Variants in RYR2 observed in about 807,000 individuals in gnomAD.
The protein encoded by RYR2 is cardiac muscle ryanodine receptor-calcium release channel.
Under a neutral mutation model 601.1 loss-of-function variants are expected in RYR2, and 227 were observed. That is an observed-to-expected ratio of 0.38 (90% CI 0.34 to 0.42). The LOEUF (loss-of-function observed/expected upper bound fraction) is 0.42, where lower values mean the gene tolerates loss of function less well. Among genes scored for constraint, RYR2 ranks in the 10% least tolerant of loss-of-function variants. The pLI is 1.00. For synonymous variants in RYR2, 2,223 were observed against 2,175.1 expected (o/e 1.02, Z -0.61); for missense variants, 4,646 against 6,156.5 (o/e 0.75, Z 8.21).
At chr1:237,232,514 G>A (rs1685105976) in intron 1 of RYR2, among the ~76,000 whole-genome samples, 1 of 152,050 alleles carries the variant, frequency 6.6e-6, no homozygotes, top group East Asian at 1.9e-4. Flanking sequence ...TGTATCCTTT[G>A]CAATATCTTT....
At chr1:237,357,301 G>A (rs1311350687) in intron 4 of RYR2, among the ~76,000 whole-genome samples, 3 of 152,060 alleles carry the variant, frequency 2.0e-5, no homozygotes, top group Admixed American at 2.0e-4. Flanking sequence ...CTTGGTAAGG[G>A]AAGCCTGCTT....
chr1:237,136,851 A>G (rs1029125704), intron 1 of RYR2, among the ~76,000 whole-genome samples: 4 of 151,896 alleles, frequency 2.6e-5, no homozygotes, highest in African/African-American at 7.3e-5. Context: ...CCCCATCTCT[A>G]CTAAAAATAC....
At chr1:237,128,501 G>A (rs1671791285) in intron 1 of RYR2, among the ~76,000 whole-genome samples, 1 of 152,224 alleles carries the variant, frequency 6.6e-6, no homozygotes, top group South Asian at 2.1e-4. Context: ...AGCTAGAGTA[G>A]GGTGAATAAG....
At chr1:237,057,041 G>A (rs1191954993) in intron 1 of RYR2, among the ~76,000 whole-genome samples, 2 of 152,176 alleles carry the variant, frequency 1.3e-5, no homozygotes, top group Admixed American at 6.5e-5. Flanking sequence ...CTAGAAGTGT[G>A]GATTTAGTGT....
intron 1 of RYR2, among the ~76,000 whole-genome samples, chr1:237,136,190 G>A (rs1442155164): frequency 6.6e-6 from 1 of 152,220 alleles, no homozygotes; most frequent in East Asian, 1.9e-4. Context: ...CAGTGATAAA[G>A]CGGAAACATT....
chr1:237,565,157 C>CTCTTTCTTTCTTTCTTTCTT (rs771045857), intron 27 of RYR2, among the ~76,000 whole-genome samples: 4 of 52,868 alleles, frequency 7.6e-5, no homozygotes, highest in Non-Finnish European at 1.5e-4. Flanking sequence ...TTCTTTCTTT[C>CTCTTTCTTTCTTTCTTTCTT]TCTTTCTTTC....
At position 237,631,676 on chromosome 1, in the gene RYR2, T is replaced by G; in HGVS notation, c.6555+135T>G. 3 of 436,638 alleles carry G rather than the reference T, an allele frequency of 6.9e-6. 1 individual carries two copies. In the South Asian group the frequency reaches 9.5e-5, roughly 14 times the overall value. 27.0% of individuals were successfully genotyped at this position (436,638 alleles called of 1,614,324 possible). The stretch of plus-strand genomic sequence containing the variant: ...CAGAGGCTCACTCTGTCGCCCAGGC[T>G]GGAGTGCAGTGCACGATCTCGGCTC... On this transcript the variant is annotated intron_variant, in intron 42 of 104. Transcript: ENST00000366574.
At chr1:237,198,138 T>G (rs548207281) in intron 1 of RYR2, among the ~76,000 whole-genome samples, 1 of 152,328 alleles carries the variant, frequency 6.6e-6, no homozygotes, top group African/African-American at 2.4e-5. Context: ...CCATGCACTT[T>G]GGAGTTTTTG....
chr1:237,473,095 G>T (rs559721750), intron 17 of RYR2, among the ~76,000 whole-genome samples: 6 of 151,972 alleles, frequency 3.9e-5, no homozygotes, highest in Non-Finnish European at 5.9e-5. Flanking sequence ...GGCTGTTAGG[G>T]GGATTAAATG....
intron 36 of RYR2, among the ~76,000 whole-genome samples, chr1:237,611,565 T>C (rs1677874596): frequency 6.6e-6 from 1 of 152,162 alleles, no homozygotes; most frequent in Admixed American, 6.5e-5. Context: ...ATTTTCTGTT[T>C]TTCCATATGA....
intron 74 of RYR2, among the ~76,000 whole-genome samples, chr1:237,725,320 G>A (rs1179474487): frequency 6.6e-6 from 1 of 152,096 alleles, no homozygotes; most frequent in East Asian, 1.9e-4. Flanking sequence ...AAAAGTGGGA[G>A]ATATCCTCGT....
At chr1:237,201,653 A>G (rs1394230492) in intron 1 of RYR2, among the ~76,000 whole-genome samples, 3 of 151,988 alleles carry the variant, frequency 2.0e-5, no homozygotes, top group Non-Finnish European at 4.4e-5. Flanking sequence ...CGTCATTATC[A>G]TCATTACTGA....
intron 28 of RYR2, among the ~76,000 whole-genome samples, chr1:237,567,415 C>CAA (rs3057438): frequency 0.34 from 37,683 of 111,782 alleles, 7,547 homozygotes; most frequent in Admixed American, 0.44. Context: ...CCTGTCTCTA[C>CAA]AAAAAAAAAA....
chr1:237,663,661 C>G (rs930866469), intron 56 of RYR2, among the ~76,000 whole-genome samples: 5 of 152,074 alleles, frequency 3.3e-5, no homozygotes, highest in African/African-American at 1.2e-4. Flanking sequence ...TGTGAGTGTT[C>G]TGGTTATGAT....
chr1:237,313,196 G>T (rs1694747847), intron 2 of RYR2, among the ~76,000 whole-genome samples: 1 of 149,652 alleles, frequency 6.7e-6, no homozygotes, highest in Non-Finnish European at 1.5e-5. Flanking sequence ...GCTCCTTTTT[G>T]CAAATGTGTG....
intron 1 of RYR2, among the ~76,000 whole-genome samples, chr1:237,045,264 AAG>A (rs1660435922): frequency 6.6e-6 from 1 of 152,038 alleles, no homozygotes; most frequent in Non-Finnish European, 1.5e-5. Flanking sequence ...CTTTTTTTAG[AAG>A]AGGTGTGAGA....
intron 7 of RYR2, among the ~76,000 whole-genome samples, 188 bp from the exon 8 acceptor site, chr1:237,377,135 C>T (rs941885999): frequency 6.6e-6 from 1 of 152,170 alleles, no homozygotes; most frequent in African/African-American, 2.4e-5. Flanking sequence ...GTGTCACACC[C>T]AGTTTCTAGG....
At chr1:237,516,730 G>C (rs1489489397) in intron 24 of RYR2, among the ~76,000 whole-genome samples, 1 of 152,100 alleles carries the variant, frequency 6.6e-6, no homozygotes, top group Non-Finnish European at 1.5e-5. Flanking sequence ...TATTCATCCT[G>C]CTACACATGC....
Position 237,787,994 on chromosome 1 carries a change from A to G in RYR2, c.13335A>G (p.Glu4445=), listed in dbSNP as rs1281704374. ...TKSEPEKAEG[E]DGEKEEKAKE... The stretch of plus-strand genomic sequence containing the variant: ...TGTTTGTTTGTTTTCATAGGGGAGA[A>G]GATGGAGAAAAAGAAGAGAAAGCCA... Residue 4445 remains glutamate (E), a synonymous_variant, in exon 92 of 105, where the codon GAA becomes GAG. Coordinates refer to ENST00000366574, the MANE Select transcript of RYR2 (RefSeq NM_001035.3). 6.3e-7 allele frequency: 1 copy of G among 1,590,534 alleles called. No homozygotes were observed. The highest frequency in any genetic ancestry group is 1.1e-5 in the South Asian group (1 of 87,722).
Sources: allele counts gnomAD v4.1 joint callset (sites outside exome capture counted in the v4.1 genomes callset), GRCh38; gene constraint gnomAD v4.1.1; transcripts MANE v1.5; gene names NCBI Gene and HGNC (gene_info 2026-07-23, HGNC 2026-07-21).